ITSN1: variants seen among roughly 807,000 people sequenced by gnomAD.
The protein encoded by ITSN1 is intersectin-1.
Under a neutral mutation model 239.8 loss-of-function variants are expected in ITSN1, and 58 were observed. That is an observed-to-expected ratio of 0.24 (90% CI 0.20 to 0.30). ITSN1 has a LOEUF of 0.30. ITSN1 is among the 10% of genes least tolerant of loss of function. ITSN1 has a pLI of 1.00. For missense variants in ITSN1, 1,558 were observed against 2,103.3 expected (o/e 0.74, Z 5.07); for synonymous variants, 780 against 770.8 (o/e 1.01, Z -0.20).
chr21:33,769,533 G>A (rs1016390643), intron 11 of ITSN1, among the ~76,000 whole-genome samples: 1 of 152,176 alleles, frequency 6.6e-6, no homozygotes, highest in Non-Finnish European at 1.5e-5. Flanking sequence ...TCTGGAGGCT[G>A]GAAGTCCAAG....
At chr21:33,763,591 C>G (rs1337909100) in intron 9 of ITSN1, among the ~76,000 whole-genome samples, 2 of 152,082 alleles carry the variant, frequency 1.3e-5, no homozygotes, top group Non-Finnish European at 2.9e-5. Context: ...CAAAATCTTC[C>G]CTGGTTGAGA....
At chr21:33,876,393 G>GCT (rs1983926142) in intron 34 of ITSN1, among the ~76,000 whole-genome samples, 1 of 145,342 alleles carries the variant, frequency 6.9e-6, no homozygotes, top group African/African-American at 2.6e-5. Context: ...ACAGGATCTT[G>GCT]CTCTGTCACC....
intron 36 of ITSN1, 53 bp downstream of exon 36, chr21:33,883,724 C>T: frequency 3.8e-6 from 6 of 1,596,266 alleles, no homozygotes; most frequent in Non-Finnish European, 5.1e-6. Flanking sequence ...GGCTCTAGGA[C>T]ACACAAGGGG....
rs746959118 is a variant in ITSN1 at position 33,722,604 on chromosome 21, CT to C, written c.147del (p.Gln50AsnfsTer9). 5.8e-5 allele frequency: 87 copies of C among 1,495,392 alleles called. No individual in the cohort carries two copies. The highest frequency in any genetic ancestry group is 5.1e-4 in the Admixed American group (24 of 46,834). The allele number at this position is 1,495,392 out of a possible 1,614,324, so 92.6% of individuals were successfully genotyped here. On this transcript the variant is annotated frameshift_variant, in exon 4 of 40. Transcript: ENST00000381318. LOFTEE classifies it high-confidence loss of function. The stretch of plus-strand genomic sequence containing the variant: ...AATTTACAGGTGATCAAGCTAGAAA[CT>C]TTTTTTTTCAATCTGGGTTACCTCA... ...GFITGDQARN[F>X]FFQSGLPQPV...
chr21:33,819,182 C>A, intron 23 of ITSN1, 59 bp from the exon 24 acceptor site: 2 of 1,287,816 alleles, frequency 1.6e-6, no homozygotes, highest in Non-Finnish European at 1.1e-6. Context: ...AAATCAGTGT[C>A]ATTGTACGAT....
At chr21:33,679,342 A>G (rs2090790271) in intron 1 of ITSN1, among the ~76,000 whole-genome samples, 1 of 152,130 alleles carries the variant, frequency 6.6e-6, no homozygotes, top group South Asian at 2.1e-4. Flanking sequence ...CTGCATGGGT[A>G]CTCTGATGTG....
At chr21:33,774,035 A>G (rs1468713392) in intron 12 of ITSN1, among the ~76,000 whole-genome samples, 4 of 152,184 alleles carry the variant, frequency 2.6e-5, no homozygotes, top group African/African-American at 9.7e-5. Flanking sequence ...TTCAGAATGA[A>G]CAAAGATAGG....
At chr21:33,821,114 A>G (rs781094939) in intron 24 of ITSN1, among the ~76,000 whole-genome samples, 3 of 152,350 alleles carry the variant, frequency 2.0e-5, no homozygotes, top group Middle Eastern at 3.4e-3. Flanking sequence ...TCCCTGGATT[A>G]GTGATAAAGC....
At chr21:33,643,188 C>T (rs2087580855) in intron 1 of ITSN1, among the ~76,000 whole-genome samples, 1 of 151,782 alleles carries the variant, frequency 6.6e-6, no homozygotes, top group African/African-American at 2.4e-5. Flanking sequence ...TGCCTGGAGC[C>T]CCGGCTCCTT....
chr21:33,839,219 C>T (rs1188443678), intron 29 of ITSN1, among the ~76,000 whole-genome samples: 7 of 152,184 alleles, frequency 4.6e-5, no homozygotes, highest in African/African-American at 1.7e-4. Flanking sequence ...AAGGAACAAA[C>T]AGAAAACCAA....
chr21:33,694,624 C>T (rs1244865431), intron 1 of ITSN1, among the ~76,000 whole-genome samples: 3 of 152,088 alleles, frequency 2.0e-5, no homozygotes, highest in Admixed American at 6.5e-5. Context: ...AGTTCAAAAC[C>T]AGCCTGGCCA....
chr21:33,864,847 T>C (rs1981282425), intron 31 of ITSN1, among the ~76,000 whole-genome samples: 2 of 152,158 alleles, frequency 1.3e-5, no homozygotes, highest in Admixed American at 1.3e-4. Context: ...CCACCGATAA[T>C]CTGTGTAGTG....
chr21:33,793,457 G>A (rs765413536), intron 16 of ITSN1, among the ~76,000 whole-genome samples: 12 of 152,172 alleles, frequency 7.9e-5, no homozygotes, highest in Non-Finnish European at 1.3e-4. Flanking sequence ...CACATAAGAC[G>A]AGTTTCAGTG....
chr21:33,765,546 A>C (rs2068661636), intron 9 of ITSN1, among the ~76,000 whole-genome samples: 1 of 152,208 alleles, frequency 6.6e-6, no homozygotes, highest in African/African-American at 2.4e-5. Context: ...AACTGTGATC[A>C]TGTCATTGCA....
intron 36 of ITSN1, 72 bp from the exon 37 acceptor site, chr21:33,884,969 C>A: frequency 9.5e-7 from 1 of 1,048,444 alleles, no homozygotes; most frequent in Non-Finnish European, 1.5e-6. Flanking sequence ...GTCCTGGCAA[C>A]AGTGTTTGAA....
At chr21:33,876,678 C>G (rs1411075148) in intron 34 of ITSN1, among the ~76,000 whole-genome samples, 2 of 152,164 alleles carry the variant, frequency 1.3e-5, no homozygotes, top group East Asian at 3.8e-4. Flanking sequence ...AGGCAGGAGG[C>G]TAGTTTGTGT....
At chr21:33,793,898 G>A (rs28650353) in intron 16 of ITSN1, among the ~76,000 whole-genome samples, 1,548 of 152,274 alleles carry the variant, frequency 0.01, 17 homozygotes, top group Middle Eastern at 0.041. Context: ...TGGAGGTGAG[G>A]TTTGAATGGA....
intron 14 of ITSN1, among the ~76,000 whole-genome samples, chr21:33,775,670 C>T (rs764101074): frequency 6.6e-6 from 1 of 152,156 alleles, no homozygotes; most frequent in Non-Finnish European, 1.5e-5. Flanking sequence ...ATGCCAGTTA[C>T]AGCAAGGAGA....
intron 1 of ITSN1, among the ~76,000 whole-genome samples, chr21:33,649,878 T>C (rs2088345760): frequency 6.6e-6 from 1 of 151,266 alleles, no homozygotes; most frequent in African/African-American, 2.4e-5. Context: ...TAGGCGGGCG[T>C]GGTGGCGCAC....
Sources: allele counts gnomAD v4.1 joint callset (sites outside exome capture counted in the v4.1 genomes callset), GRCh38; gene constraint gnomAD v4.1.1; transcripts MANE v1.5; gene names NCBI Gene and HGNC (gene_info 2026-07-23, HGNC 2026-07-21).